The following PRIM2 variants were observed in gnomAD, a reference collection of about 807,000 sequenced individuals.
PRIM2 encodes DNA primase subunit 2.
Under a neutral mutation model 67.3 loss-of-function variants are expected in PRIM2, and 39 were observed. That is an observed-to-expected ratio of 0.58 (90% CI 0.45 to 0.76). The LOEUF (loss-of-function observed/expected upper bound fraction) is 0.76. Among genes scored for constraint, PRIM2 ranks in the 30% least tolerant of loss-of-function variants. PRIM2 has a pLI of 0.00. For missense variants in PRIM2, 398 were observed against 598.7 expected (o/e 0.66, Z 3.50); for synonymous variants, 143 against 198.7 (o/e 0.72, Z 2.36).
chr6:57,569,007 C>T, intron 10 of PRIM2, among the ~76,000 whole-genome samples: 1 of 152,220 alleles, frequency 6.6e-6, no homozygotes, highest in East Asian at 1.9e-4. Context: ...TCTTTCTGAA[C>T]TTCAGATTGC....
chr6:57,376,883 T>C (rs1769782244), intron 5 of PRIM2, among the ~76,000 whole-genome samples: 1 of 152,168 alleles, frequency 6.6e-6, no homozygotes, highest in African/African-American at 2.4e-5. Context: ...TTTTTCTATA[T>C]TTTTTATTTT....
chr6:57,400,550 C>G (rs1037597087), intron 7 of PRIM2, among the ~76,000 whole-genome samples: 1 of 152,000 alleles, frequency 6.6e-6, no homozygotes, highest in Non-Finnish European at 1.5e-5. Context: ...CCATTTTGAC[C>G]TTTGAAAATC....
At chr6:57,617,109 T>G (rs1213005253) in intron 12 of PRIM2, among the ~76,000 whole-genome samples, 25 of 152,236 alleles carry the variant, frequency 1.6e-4, no homozygotes, top group African/African-American at 5.8e-4. Flanking sequence ...TAATTCCTTC[T>G]GAGAGCTGTG....
intron 8 of PRIM2, among the ~76,000 whole-genome samples, chr6:57,516,182 A>T (rs1774484165): frequency 6.6e-6 from 1 of 151,988 alleles, no homozygotes; most frequent in Non-Finnish European, 1.5e-5. Flanking sequence ...GACTACAGGG[A>T]TATCCAGGAT....
At chr6:57,591,708 A>T (rs1446123864) in intron 10 of PRIM2, among the ~76,000 whole-genome samples, 8 of 152,344 alleles carry the variant, frequency 5.3e-5, no homozygotes, top group African/African-American at 1.4e-4. Context: ...GGGAATCCTT[A>T]CACACTACTG....
chr6:57,569,141 G>A (rs1472596005), intron 10 of PRIM2, among the ~76,000 whole-genome samples: 1 of 152,036 alleles, frequency 6.6e-6, no homozygotes, highest in Non-Finnish European at 1.5e-5. Flanking sequence ...CTTTTCCTAA[G>A]GTCTGTCTTA....
At chr6:57,484,931 G>T (rs1445407352) in intron 7 of PRIM2, among the ~76,000 whole-genome samples, 3 of 152,034 alleles carry the variant, frequency 2.0e-5, no homozygotes, top group Admixed American at 2.0e-4. Flanking sequence ...TAGAAGACAG[G>T]GACTTTGCCT....
At chr6:57,352,019 A>G (rs976598791) in intron 5 of PRIM2, among the ~76,000 whole-genome samples, 16 of 152,184 alleles carry the variant, frequency 1.1e-4, no homozygotes, top group Admixed American at 5.2e-4. Flanking sequence ...TGTAAATTGC[A>G]TAGAGCTTGG....
chr6:57,386,811 A>C (rs915903074), intron 7 of PRIM2, among the ~76,000 whole-genome samples: 7 of 151,612 alleles, frequency 4.6e-5, no homozygotes, highest in African/African-American at 1.7e-4. Context: ...AGCTTTATAA[A>C]TGGAAATATT....
At chr6:57,378,165 A>G (rs1455114537) in intron 5 of PRIM2, among the ~76,000 whole-genome samples, 3 of 151,226 alleles carry the variant, frequency 2.0e-5, no homozygotes, top group African/African-American at 7.3e-5. Context: ...GGCTCAAGCA[A>G]TCCTCCCACC....
Position 57,630,773 on chromosome 6 carries a change from C to A in PRIM2, c.1231-1360C>A, listed in dbSNP as rs1236748227. 2.1e-3 allele frequency among the ~76,000 whole-genome samples: 326 copies of A among 152,076 alleles called. 2 individuals are homozygous for A. Among genetic ancestry groups the A allele is most frequent in the Non-Finnish European group, 3.5e-3 (235 of 67,984 alleles). ...ATAGATGTTTGTCAGTAATTATTTG[C>A]AAGTTTATCTCATCACAATTTGAAA... On this transcript the variant is annotated intron_variant, in intron 12 of 13. Transcript: ENST00000615550.
intron 7 of PRIM2, among the ~76,000 whole-genome samples, chr6:57,478,295 A>T (rs1289241046): frequency 2.0e-5 from 3 of 149,148 alleles, no homozygotes; most frequent in Admixed American, 1.3e-4. Context: ...TAGACTATAC[A>T]TTTCATTTTA....
intron 5 of PRIM2, among the ~76,000 whole-genome samples, chr6:57,360,923 G>T (rs1303499983): frequency 6.6e-6 from 1 of 152,158 alleles, no homozygotes; most frequent in East Asian, 1.9e-4. Context: ...GATCTAAAAT[G>T]AATGAACTGA....
chr6:57,236,407 C>CTT, the PRIM2 span, among the ~76,000 whole-genome samples: 1 of 151,398 alleles, frequency 6.6e-6, no homozygotes, highest in African/African-American at 2.4e-5. Context: ...CCAGAATGAT[C>CTT]TTTTTTTTTC....
chr6:57,410,483 A>G (rs1771052411), intron 7 of PRIM2, among the ~76,000 whole-genome samples: 1 of 152,088 alleles, frequency 6.6e-6, no homozygotes. Flanking sequence ...CTGTCCTTGT[A>G]ACAGTATCAC....
intron 7 of PRIM2, among the ~76,000 whole-genome samples, chr6:57,434,448 A>G (rs147925586): frequency 1.6e-4 from 24 of 152,292 alleles, no homozygotes; most frequent in African/African-American, 5.5e-4. Context: ...AAAAATCTCA[A>G]GAATTTGCCC....
chr6:57,441,285 T>C (rs1772195834), intron 7 of PRIM2, among the ~76,000 whole-genome samples: 1 of 152,258 alleles, frequency 6.6e-6, no homozygotes, highest in Non-Finnish European at 1.5e-5. Context: ...CCAGACTTAA[T>C]GGTTCAGACC....
intron 5 of PRIM2, among the ~76,000 whole-genome samples, chr6:57,360,146 T>G (rs556465005): frequency 1.9e-3 from 288 of 152,356 alleles, no homozygotes; most frequent in African/African-American, 6.7e-3. Flanking sequence ...CCTTTTTGCT[T>G]GCTAAATTCA....
chr6:57,338,193 A>T (rs1057482693), intron 5 of PRIM2, among the ~76,000 whole-genome samples: 3 of 152,024 alleles, frequency 2.0e-5, no homozygotes, highest in Admixed American at 1.3e-4. Flanking sequence ...CAATAACAGG[A>T]TCTGAAATTG....
Sources: gnomAD v4.1 joint callset for allele counts (sites outside exome capture counted in the v4.1 genomes callset) on GRCh38, gnomAD v4.1.1 for gene constraint, MANE v1.5 for transcripts, NCBI Gene and HGNC (gene_info 2026-07-23, HGNC 2026-07-21) for gene names.